CCDC169: variants seen among roughly 807,000 people sequenced by gnomAD.
CCDC169 encodes the protein coiled-coil domain containing 169, also known as coiled-coil domain-containing protein 169.
In CCDC169, 30 loss-of-function variants were observed where a neutral mutation model predicts 36.0. The ratio of observed to expected loss-of-function variants is 0.83; its 90% confidence interval spans 0.62 to 1.13. The LOEUF is 1.13. CCDC169 is among the 50% of genes most tolerant of loss of function. The pLI is 0.00. For missense variants in CCDC169, 245 were observed against 245.9 expected, an observed-to-expected ratio of 1.00 and a Z score of 0.03; for synonymous variants, 85 against 81.5, an observed-to-expected ratio of 1.04 and a Z score of -0.23.
At chr13:36,261,949 G>A (rs1288410857) in intron 4 of CCDC169, among the ~76,000 whole-genome samples, 2 of 152,088 alleles carry the variant, frequency 1.3e-5, no homozygotes, top group African/African-American at 4.8e-5. Context: ...ATCTGCTTAG[G>A]TCTGGGTTGT....
chr13:36,296,534 CAA>C (rs1231833067), intron 1 of CCDC169, among the ~76,000 whole-genome samples: 2 of 151,950 alleles, frequency 1.3e-5, no homozygotes, highest in Admixed American at 1.3e-4. Flanking sequence ...CAAACTGAAA[CAA>C]AGAGAAAAAA....
chr13:36,288,353 C>G (rs1322078136), intron 2 of CCDC169, among the ~76,000 whole-genome samples: 1 of 152,118 alleles, frequency 6.6e-6, no homozygotes, highest in East Asian at 1.9e-4. Context: ...TGTGTAATAT[C>G]TCAGTTTTCA....
At chr13:36,250,374 C>T (rs1873009317) in intron 6 of CCDC169, among the ~76,000 whole-genome samples, 1 of 152,134 alleles carries the variant, frequency 6.6e-6, no homozygotes, top group Non-Finnish European at 1.5e-5. Flanking sequence ...AAGAGCTTTG[C>T]TGTGATCCTC....
In CCDC169 at chr13:36,277,254, C is replaced by A. The variant is rs538830919; in HGVS notation, c.315+6215G>T. ...CCCATGTTCTCACTTATAAGTGGGG[C>A]CTGAACATTGAGAACACATGGACAC... On this transcript the variant is annotated intron_variant, in intron 4 of 7. Transcript: ENST00000239859. Among the ~76,000 whole-genome samples, 20 of 152,072 alleles carry A rather than the reference C, an allele frequency of 1.3e-4. No individual in the cohort carries two copies. The South Asian group carries it at 1.9e-3, about 14-fold the overall frequency.
intron 7 of CCDC169, among the ~76,000 whole-genome samples, chr13:36,231,730 G>T (rs12427959): frequency 0.012 from 1,899 of 152,226 alleles, 16 homozygotes; most frequent in Middle Eastern, 0.027. Flanking sequence ...TTCTTAGGGG[G>T]TGATGGCAGC....
At chr13:36,296,376 A>G (rs2138667252) in intron 1 of CCDC169, among the ~76,000 whole-genome samples, 1 of 152,334 alleles carries the variant, frequency 6.6e-6, no homozygotes, top group Non-Finnish European at 1.5e-5. Flanking sequence ...TACAGGCGTG[A>G]GCCACCAGGC....
intron 4 of CCDC169, among the ~76,000 whole-genome samples, chr13:36,275,463 G>A (rs1876680371): frequency 6.6e-6 from 1 of 152,048 alleles, no homozygotes; most frequent in Non-Finnish European, 1.5e-5. Flanking sequence ...CCTATCAATT[G>A]ACCATTCTGA....
intron 1 of CCDC169, among the ~76,000 whole-genome samples, chr13:36,296,178 G>A (rs1419505576): frequency 3.9e-5 from 6 of 152,128 alleles, no homozygotes; most frequent in Non-Finnish European, 7.4e-5. Context: ...TGCAACCTCC[G>A]CCTCCCGGGT....
At chr13:36,243,192 T>C (rs1872069988) in intron 7 of CCDC169, among the ~76,000 whole-genome samples, 1 of 152,176 alleles carries the variant, frequency 6.6e-6, no homozygotes, top group Admixed American at 6.5e-5. Flanking sequence ...GTGTTGATCC[T>C]AAGAACTCTC....
chr13:36,247,002 G>A (rs1251595623), intron 7 of CCDC169, among the ~76,000 whole-genome samples: 1 of 152,280 alleles, frequency 6.6e-6, no homozygotes, highest in East Asian at 1.9e-4. Flanking sequence ...GTCTAATGCA[G>A]CCAGTGAGTT....
intron 4 of CCDC169, among the ~76,000 whole-genome samples, chr13:36,256,853 C>G (rs1307374416): frequency 6.6e-6 from 1 of 152,238 alleles, no homozygotes; most frequent in Non-Finnish European, 1.5e-5. Flanking sequence ...CAGCACATGT[C>G]TGATCACCCA....
downstream of CCDC169, chr13:36,224,358 A>G (rs1869753234): frequency 6.6e-6 from 1 of 152,174 alleles, no homozygotes; most frequent in Admixed American, 6.5e-5. Context: ...CTTCAAGGAT[A>G]ATATGACCCT....
intron 2 of CCDC169, among the ~76,000 whole-genome samples, chr13:36,293,308 A>T (rs1272299200): frequency 6.6e-6 from 1 of 152,180 alleles, no homozygotes; most frequent in Non-Finnish European, 1.5e-5. Flanking sequence ...CTCCTAATGC[A>T]TTCTCATTAT....
rs559486137 is a variant in CCDC169, at chr13:36,276,925, C to A, written c.315+6544G>T. On this transcript the variant is annotated intron_variant, in intron 4 of 7. Coordinates refer to ENST00000239859, the MANE Select transcript of CCDC169 (RefSeq NM_001144981.3). ...TGCCAAAAAAATACAAATGTCCAGG[C>A]CTTACTCCAGACCTACCAAATTTCT... is the stretch of plus-strand genomic sequence containing the variant. Among the ~76,000 whole-genome samples, 3 of 152,228 alleles carry A rather than the reference C, an allele frequency of 2.0e-5. No individual in the cohort carries two copies. The East Asian group carries it at 5.8e-4, about 29-fold the overall frequency.
chr13:36,275,752 G>A (rs758913065), intron 4 of CCDC169, among the ~76,000 whole-genome samples: 1 of 152,118 alleles, frequency 6.6e-6, no homozygotes, highest in Non-Finnish European at 1.5e-5. Flanking sequence ...ACCCAAATAG[G>A]GCTGGATGTC....
intron 7 of CCDC169, among the ~76,000 whole-genome samples, chr13:36,245,369 G>A (rs1872376146): frequency 6.6e-6 from 1 of 151,742 alleles, no homozygotes. Context: ...GTGCAATCGT[G>A]GCTCACTGCA....
At chr13:36,284,011 TA>T (rs1877866711) in intron 2 of CCDC169, among the ~76,000 whole-genome samples, 2 of 152,042 alleles carry the variant, frequency 1.3e-5, no homozygotes, top group African/African-American at 4.8e-5. Context: ...TGAATTCAAT[TA>T]GAGGGAATAT....
chr13:36,281,560 C>T (rs1877540709), intron 4 of CCDC169, among the ~76,000 whole-genome samples: 1 of 152,170 alleles, frequency 6.6e-6, no homozygotes, highest in Non-Finnish European at 1.5e-5. Context: ...CTGAACTTTA[C>T]ATTTCAAAAT....
chr13:36,227,608 A>G (rs1485017206), downstream of CCDC169, among the ~76,000 whole-genome samples: 1 of 152,218 alleles, frequency 6.6e-6, no homozygotes, highest in Admixed American at 6.5e-5. Flanking sequence ...TATTTCATTA[A>G]CATTTATCTA....
Sources: gnomAD v4.1 joint callset for allele counts (sites outside exome capture counted in the v4.1 genomes callset) on GRCh38, gnomAD v4.1.1 for gene constraint, MANE v1.5 for transcripts, NCBI Gene and HGNC (gene_info 2026-07-23, HGNC 2026-07-21) for gene names.